STX2: variants seen among roughly 807,000 people sequenced by gnomAD.
STX2 encodes syntaxin 2.
Under a neutral mutation model 40.6 loss-of-function variants are expected in STX2, and 27 were observed. The observed-to-expected ratio is 0.66, with a 90% confidence interval of 0.49 to 0.92. The LOEUF is 0.92. Ranked by LOEUF, STX2 falls within the 40% of genes least tolerant of loss-of-function variation. STX2 has a pLI of 0.00. For missense variants in STX2, 328 were observed against 366.1 expected, an observed-to-expected ratio of 0.90 and a Z score of 0.85; for synonymous variants, 123 against 119.1, an observed-to-expected ratio of 1.03 and a Z score of -0.22.
chr12:130,837,695 G>A (rs1031679823), intron 1 of STX2, among the ~76,000 whole-genome samples: 1 of 152,170 alleles, frequency 6.6e-6, no homozygotes, highest in Non-Finnish European at 1.5e-5. Context: ...CCAGACTGCT[G>A]GGATTACAGG....
At chr12:130,818,193 T>A (rs1455501048) in intron 3 of STX2, among the ~76,000 whole-genome samples, 1,597 of 62,350 alleles carry the variant, frequency 0.026, 56 homozygotes, top group African/African-American at 0.046. Flanking sequence ...AAAATATATA[T>A]ATATATATAT....
At chr12:130,792,377 T>C (rs945786092) in intron 10 of STX2, among the ~76,000 whole-genome samples, 3 of 152,224 alleles carry the variant, frequency 2.0e-5, no homozygotes, top group African/African-American at 7.2e-5. Context: ...CTTTTAATCA[T>C]AATAAAACTC....
chr12:130,830,157 T>TACCC, intron 1 of STX2, among the ~76,000 whole-genome samples: 1 of 152,174 alleles, frequency 6.6e-6, no homozygotes, highest in East Asian at 1.9e-4. Flanking sequence ...CACTACTTCC[T>TACCC]ACCCCCCACA....
intron 1 of STX2, 47 bp downstream of exon 1, chr12:130,839,023 A>T: frequency 7.8e-7 from 1 of 1,281,246 alleles, no homozygotes; most frequent in Non-Finnish European, 9.9e-7. Flanking sequence ...CGCCCTCCAG[A>T]CGCCGCCCCG....
At chr12:130,814,470 G>A (rs981658623) in intron 3 of STX2, among the ~76,000 whole-genome samples, 7 of 151,966 alleles carry the variant, frequency 4.6e-5, no homozygotes, top group Admixed American at 6.6e-5. Flanking sequence ...GCAGCGGGAC[G>A]GTGGGCTGTA....
In STX2 at chr12:130,808,700, A is replaced by G. The variant is rs544550977; in HGVS notation, c.285T>C (p.Ile95=). The change falls in exon 5 of 11, where the codon ATT becomes ATC. Residue 95 remains isoleucine, a synonymous_variant. Transcript: ENST00000392373. Reference sequence around the variant, plus strand: ...TCTCATCCTGATCAAAACTTTGTTCAATAGCTAGGAACAAATAGGAAATAA... The same window carrying G: ...TCTCATCCTGATCAAAACTTTGTTCGATAGCTAGGAACAAATAGGAAATAA... ...ANKIRAKLKA[I]EQSFDQDESG... 8 of 1,610,518 alleles carry G rather than the reference A, an allele frequency of 5.0e-6. No individual in the cohort carries two copies. The highest frequency in any genetic ancestry group is 1.7e-4 in the Middle Eastern group (1 of 6,056).
At chr12:130,828,044 T>TA (rs1333287552) in intron 1 of STX2, among the ~76,000 whole-genome samples, 2 of 152,170 alleles carry the variant, frequency 1.3e-5, no homozygotes, top group African/African-American at 4.8e-5. Flanking sequence ...AGCAGCCCAT[T>TA]AGCTTGTCTC....
At chr12:130,838,151 T>G (rs573505761) in intron 1 of STX2, among the ~76,000 whole-genome samples, 1 of 152,304 alleles carries the variant, frequency 6.6e-6, no homozygotes, top group East Asian at 1.9e-4. Context: ...GACCAGAGGC[T>G]CTATCTGTGC....
chr12:130,802,626 T>C (rs12369479), intron 6 of STX2, among the ~76,000 whole-genome samples: 7,179 of 152,248 alleles, frequency 0.047, 240 homozygotes, highest in Non-Finnish European at 0.067. Context: ...GCCTCCCAAG[T>C]GACTGTGATT....
chr12:130,827,435 T>C (rs903197849), intron 1 of STX2, among the ~76,000 whole-genome samples, 168 bp from the exon 2 acceptor site: 9 of 152,120 alleles, frequency 5.9e-5, no homozygotes, highest in Non-Finnish European at 1.2e-4. Flanking sequence ...CTCCGCAACA[T>C]TTTCAACACA....
intron 1 of STX2, among the ~76,000 whole-genome samples, chr12:130,835,638 G>GCATGCAT (rs1952732942): frequency 6.6e-6 from 1 of 152,122 alleles, no homozygotes; most frequent in Non-Finnish European, 1.5e-5. Flanking sequence ...TTCCCAGGCT[G>GCATGCAT]CATGCATCCC....
At chr12:130,825,948 G>A (rs1184421915) in intron 2 of STX2, among the ~76,000 whole-genome samples, 1 of 152,196 alleles carries the variant, frequency 6.6e-6, no homozygotes, top group African/African-American at 2.4e-5. Context: ...AGCAACATTA[G>A]ATCAGATAAT....
intron 4 of STX2, chr12:130,812,403 G>A (rs1377862846): frequency 2.2e-6 from 1 of 453,610 alleles, no homozygotes; most frequent in Admixed American, 2.4e-5. Context: ...TGGGGGGTCG[G>A]CTTGTGGTCG....
chr12:130,798,969 T>C (rs1216323099), intron 8 of STX2, among the ~76,000 whole-genome samples: 3 of 152,212 alleles, frequency 2.0e-5, no homozygotes, highest in Non-Finnish European at 4.4e-5. Flanking sequence ...CAGCTTTTGG[T>C]TGAACTAGTA....
intron 5 of STX2, among the ~76,000 whole-genome samples, 197 bp from the exon 6 acceptor site, chr12:130,807,287 C>T (rs1006366426): frequency 4.8e-5 from 7 of 144,622 alleles, no homozygotes; most frequent in African/African-American, 2.0e-4. Flanking sequence ...TTTTACAAGA[C>T]CCCTACTATG....
chr12:130,818,181 A>AT (rs1555222320), intron 3 of STX2, among the ~76,000 whole-genome samples: 16 of 20,182 alleles, frequency 7.9e-4, no homozygotes, highest in African/African-American at 1.6e-3. Flanking sequence ...AAAAAAAAAA[A>AT]AAAAATATAT....
chr12:130,832,021 T>C lies in STX2; in HGVS notation c.31-4754A>G, dbSNP rs558745282. Among the ~76,000 whole-genome samples, 9 of 152,130 alleles carry C rather than the reference T, an allele frequency of 5.9e-5. No individual in the cohort carries two copies. In the South Asian group the frequency reaches 1.7e-3, roughly 28 times the overall value. On this transcript the variant is annotated intron_variant, in intron 1 of 10. Coordinates refer to ENST00000392373, the MANE Select transcript of STX2 (RefSeq NM_194356.4). The stretch of plus-strand genomic sequence containing the variant: ...GAGTAACTGGGACTACAGGCACACA[T>C]ATTTTTTTAGAGATGAGGTCTGGCC...
intron 10 of STX2, among the ~76,000 whole-genome samples, chr12:130,793,849 G>A (rs895692759): frequency 2.0e-5 from 3 of 152,234 alleles, no homozygotes; most frequent in African/African-American, 7.2e-5. Context: ...TGAAGTTAAG[G>A]ACATTAACCA....
At chr12:130,798,001 A>C (rs572998043) in intron 9 of STX2, among the ~76,000 whole-genome samples, 1 of 152,358 alleles carries the variant, frequency 6.6e-6, no homozygotes, top group Non-Finnish European at 1.5e-5. Context: ...TAATCCCAGC[A>C]CTTTGGAAGG....
Sources: allele counts gnomAD v4.1 joint callset (sites outside exome capture counted in the v4.1 genomes callset), GRCh38; gene constraint gnomAD v4.1.1; transcripts MANE v1.5; gene names NCBI Gene and HGNC (gene_info 2026-07-23, HGNC 2026-07-21).